CTNNA3: variants seen among roughly 807,000 people sequenced by gnomAD.
The protein encoded by CTNNA3 is catenin alpha-3.
Under a neutral mutation model 95.7 loss-of-function variants are expected in CTNNA3, and 76 were observed. The ratio of observed to expected loss-of-function variants is 0.79; its 90% confidence interval spans 0.66 to 0.96. The LOEUF is 0.96. Among genes scored for constraint, CTNNA3 ranks in the 40% least tolerant of loss-of-function variants. The pLI is 0.00. For missense variants in CTNNA3, 1,191 were observed against 1,089.8 expected (o/e 1.09, Z -1.31); for synonymous variants, 431 against 374.4 (o/e 1.15, Z -1.74).
intron 13 of CTNNA3, among the ~76,000 whole-genome samples, chr10:66,184,628 C>T (rs1354771847): frequency 6.6e-6 from 1 of 152,126 alleles, no homozygotes; most frequent in African/African-American, 2.4e-5. Context: ...TTTTCCTGGA[C>T]TCTATTATTT....
intron 13 of CTNNA3, among the ~76,000 whole-genome samples, chr10:66,261,050 C>T (rs781379772): frequency 6.6e-6 from 1 of 152,022 alleles, no homozygotes; most frequent in African/African-American, 2.4e-5. Flanking sequence ...TTCCAAGTCC[C>T]TTCCTCAAGG....
intron 9 of CTNNA3, among the ~76,000 whole-genome samples, chr10:66,693,469 G>T (rs1422493282): frequency 1.3e-5 from 2 of 150,534 alleles, no homozygotes; most frequent in Non-Finnish European, 2.9e-5. Context: ...AGCAAGTCCT[G>T]AGTGACCTAC....
intron 10 of CTNNA3, among the ~76,000 whole-genome samples, chr10:66,577,559 C>T (rs1843046171): frequency 6.6e-6 from 1 of 151,948 alleles, no homozygotes; most frequent in African/African-American, 2.4e-5. Flanking sequence ...GCCAGTGATC[C>T]CAGCACCATT....
intron 7 of CTNNA3, among the ~76,000 whole-genome samples, chr10:66,879,567 A>G (rs1240835795): frequency 6.6e-5 from 10 of 152,130 alleles, no homozygotes. Context: ...GAGTATATAT[A>G]GCACCTGTTC....
intron 10 of CTNNA3, among the ~76,000 whole-genome samples, chr10:66,558,724 T>C (rs1842463908): frequency 6.6e-6 from 1 of 152,170 alleles, no homozygotes. Flanking sequence ...TCAATGTTTA[T>C]GGTACACCTG....
In CTNNA3 at chr10:67,761,740, T is replaced by C. The variant is rs184919931; in HGVS notation, c.-2+1694A>G. Among the ~76,000 whole-genome samples, 38 of 151,934 alleles carry C rather than the reference T, an allele frequency of 2.5e-4. No individual in the cohort carries two copies. In the East Asian group the frequency reaches 6.2e-3, roughly 25 times the overall value. On this transcript the variant is annotated intron_variant, in intron 1 of 17. Coordinates refer to the CTNNA3 transcript ENST00000684154. ...AAAAATACAAAAAATTACCCAGGCG[T>C]GGTGGCAGGTGCCTGTAGTCCCAGC...
chr10:66,459,717 T>C (rs893691654), intron 11 of CTNNA3, among the ~76,000 whole-genome samples: 2 of 152,150 alleles, frequency 1.3e-5, no homozygotes, highest in African/African-American at 2.4e-5. Flanking sequence ...GTTGCTGTAC[T>C]AAATACTGGA....
chr10:66,483,575 T>TA (rs1471428822), intron 11 of CTNNA3, among the ~76,000 whole-genome samples: 1 of 152,142 alleles, frequency 6.6e-6, no homozygotes, highest in Non-Finnish European at 1.5e-5. Flanking sequence ...AGTAAAATTT[T>TA]AAAAAGGGTC....
At chr10:67,470,681 A>G (rs1847783454) in intron 5 of CTNNA3, among the ~76,000 whole-genome samples, 1 of 152,082 alleles carries the variant, frequency 6.6e-6, no homozygotes, top group Admixed American at 6.5e-5. Context: ...CAGTGAGACT[A>G]TAACTATGAC....
intron 13 of CTNNA3, among the ~76,000 whole-genome samples, chr10:66,275,693 A>G (rs1224109106): frequency 1.3e-5 from 2 of 152,196 alleles, no homozygotes; most frequent in Non-Finnish European, 2.9e-5. Flanking sequence ...ATAAGATAAC[A>G]TTCTACATTG....
chr10:67,166,593 T>C (rs1419936236), intron 7 of CTNNA3, among the ~76,000 whole-genome samples: 1 of 152,218 alleles, frequency 6.6e-6, no homozygotes, highest in Non-Finnish European at 1.5e-5. Flanking sequence ...TTTTGGATTC[T>C]TTCTAATAAA....
chr10:67,660,889 C>T (rs1042427576), intron 1 of CTNNA3, among the ~76,000 whole-genome samples: 43 of 150,644 alleles, frequency 2.9e-4, no homozygotes, highest in Non-Finnish European at 2.5e-4. Flanking sequence ...CAAGATCGCG[C>T]CACTGCACTC....
At chr10:67,076,975 G>T (rs1018912551) in intron 7 of CTNNA3, among the ~76,000 whole-genome samples, 1 of 152,180 alleles carries the variant, frequency 6.6e-6, no homozygotes, top group South Asian at 2.1e-4. Context: ...CACACTCACC[G>T]CCAAAGCAAC....
At chr10:66,449,308 C>T (rs10762071) in intron 11 of CTNNA3, among the ~76,000 whole-genome samples, 58,061 of 151,718 alleles carry the variant, frequency 0.38, 11,678 homozygotes, top group African/African-American at 0.5. Flanking sequence ...TTGGTGCTGA[C>T]TGGAAATCTG....
chr10:67,599,693 T>C (rs1301931080), intron 3 of CTNNA3, among the ~76,000 whole-genome samples: 1 of 152,144 alleles, frequency 6.6e-6, no homozygotes, highest in African/African-American at 2.4e-5. Context: ...TATGAAATAC[T>C]TGGGGACAAA....
chr10:66,689,606 C>T (rs1293633864), intron 9 of CTNNA3, among the ~76,000 whole-genome samples: 1 of 152,066 alleles, frequency 6.6e-6, no homozygotes, highest in Non-Finnish European at 1.5e-5. Flanking sequence ...GCCCAAGAGT[C>T]CTTGGAGACA....
chr10:67,037,319 A>G (rs1288652191), intron 7 of CTNNA3, among the ~76,000 whole-genome samples: 1 of 151,824 alleles, frequency 6.6e-6, no homozygotes, highest in Non-Finnish European at 1.5e-5. Context: ...CAGCAAAATC[A>G]TATTCAGCAG....
chr10:66,740,938 G>T (rs2132696620), intron 9 of CTNNA3, among the ~76,000 whole-genome samples: 1 of 152,278 alleles, frequency 6.6e-6, no homozygotes, highest in South Asian at 2.1e-4. Flanking sequence ...TAAAAGCGTG[G>T]TCCATGAACA....
chr10:66,296,614 TAC>T (rs58065988), intron 12 of CTNNA3, among the ~76,000 whole-genome samples: 65,146 of 150,430 alleles, frequency 0.43, 14,649 homozygotes, highest in African/African-American at 0.56. Flanking sequence ...TCTATATCTA[TAC>T]ACACACACAC....
Sources: gnomAD v4.1 joint callset for allele counts (sites outside exome capture counted in the v4.1 genomes callset) on GRCh38, gnomAD v4.1.1 for gene constraint, MANE v1.5 for transcripts, NCBI Gene and HGNC (gene_info 2026-07-23, HGNC 2026-07-21) for gene names.